TACC1: variants seen among roughly 807,000 people sequenced by gnomAD.
TACC1 encodes the protein transforming acidic coiled-coil containing protein 1, also known as transforming acidic coiled-coil-containing protein 1.
A neutral mutation model predicts 84.4 loss-of-function variants in TACC1; 48 were observed. That is an observed-to-expected ratio of 0.57 (90% CI 0.45 to 0.72). The LOEUF (loss-of-function observed/expected upper bound fraction) is 0.72. TACC1 is among the 30% of genes least tolerant of loss of function. The pLI, the probability that TACC1 is intolerant of heterozygous loss-of-function variation, is 0.00. For missense variants in TACC1, 920 were observed against 973.0 expected (o/e 0.95, Z 0.72); for synonymous variants, 372 against 376.3 (o/e 0.99, Z 0.13).
chr8:38,784,837 T>A (rs1051033708), upstream of TACC1, among the ~76,000 whole-genome samples: 1 of 152,200 alleles, frequency 6.6e-6, no homozygotes, highest in African/African-American at 2.4e-5. Flanking sequence ...TAAAGTCCCT[T>A]TAGAAGCTTG....
At chr8:38,756,549 G>C (rs1194428487) in intron 3 of TACC1, among the ~76,000 whole-genome samples, 1 of 152,078 alleles carries the variant, frequency 6.6e-6, no homozygotes, top group African/African-American at 2.4e-5. Flanking sequence ...ATAGGGATAG[G>C]TGTTTGTTTG....
intron 6 of TACC1, among the ~76,000 whole-genome samples, chr8:38,834,481 T>C (rs1391827194): frequency 6.6e-6 from 1 of 152,136 alleles, no homozygotes; most frequent in African/African-American, 2.4e-5. Flanking sequence ...CTGGGGGGCA[T>C]TTTAGAGGCT....
At chr8:38,793,189 T>A (rs1446647690) in intron 2 of TACC1, among the ~76,000 whole-genome samples, 1 of 152,212 alleles carries the variant, frequency 6.6e-6, no homozygotes, top group Non-Finnish European at 1.5e-5. Context: ...AAACTGTAGT[T>A]CTCTGGACTT....
rs374198876 is a variant in TACC1, at chr8:38,844,952, TC to T, written c.2228+1558del. 60 of 152,192 alleles carry T rather than the reference TC, an allele frequency of 3.9e-4. No individual in the cohort carries two copies. The East Asian group carries it at 9.5e-3, about 24-fold the overall frequency. 9.4% of individuals were successfully genotyped at this position (152,192 alleles called of 1,614,324 possible). ...TTTGTTGGTTTTTTTTGAGACAGAG[TC>T]TCACTCTGTCACCCATGCTGTAGTG... On this transcript the variant is annotated intron_variant, in intron 11 of 12. Coordinates refer to ENST00000317827, the MANE Select transcript of TACC1 (RefSeq NM_006283.3).
At chr8:38,734,412 T>G (rs1025258195) in intron 1 of TACC1, among the ~76,000 whole-genome samples, 3 of 152,124 alleles carry the variant, frequency 2.0e-5, no homozygotes, top group Non-Finnish European at 4.4e-5. Flanking sequence ...GGCAGGCTGG[T>G]CTTGAACTTC....
chr8:38,749,451 GA>G (rs556798416), intron 3 of TACC1, among the ~76,000 whole-genome samples: 117 of 152,070 alleles, frequency 7.7e-4, no homozygotes, highest in African/African-American at 2.7e-3. Context: ...GACATCTTAA[GA>G]AAAAAACTAC....
chr8:38,827,059 C>T, intron 4 of TACC1, 109 bp from the exon 5 acceptor site: 1 of 917,864 alleles, frequency 1.1e-6, no homozygotes, highest in Non-Finnish European at 1.7e-6. Context: ...TGGTTAACCT[C>T]TCACATATCT....
At chr8:38,748,840 G>T (rs1587205827) in intron 3 of TACC1, among the ~76,000 whole-genome samples, 2 of 151,816 alleles carry the variant, frequency 1.3e-5, no homozygotes, top group East Asian at 3.9e-4. Context: ...TACGAAGTGG[G>T]GAAAGTTCTT....
chr8:38,822,607 G>T (rs902536438), intron 3 of TACC1, among the ~76,000 whole-genome samples: 2 of 152,116 alleles, frequency 1.3e-5, no homozygotes, highest in African/African-American at 4.8e-5. Flanking sequence ...TTTTTAAGAA[G>T]TTTTGACTCT....
At chr8:38,827,023 T>C (rs962534600) in intron 4 of TACC1, 145 bp from the exon 5 acceptor site, 2 of 643,332 alleles carry the variant, frequency 3.1e-6, no homozygotes, top group Non-Finnish European at 5.3e-6. Flanking sequence ...GACTCCAACT[T>C]CCTCCTTGCT....
Position 38,843,545 on chromosome 8 carries a change from TTAAAAAG to T in TACC1, c.2228+157_2228+163del, listed in dbSNP as rs1831658622. 4 of 495,532 alleles carry T rather than the reference TTAAAAAG, an allele frequency of 8.1e-6. No homozygotes were observed. The East Asian group carries it at 1.4e-4, about 17-fold the overall frequency. The allele number at this position is 495,532 out of a possible 1,614,324, so 30.7% of individuals were successfully genotyped here. A position where few individuals can be genotyped will look rare whatever the true frequency, so the allele number is the denominator to read the frequency against. On this transcript the variant is annotated intron_variant, in intron 11 of 12. Transcript: ENST00000317827. Reference sequence around the variant, plus strand: ...AAACCCTTTTCCCATTGTTAAAACATTAAAAAGTAAAAAAAGGTATATCTGCTCCTGC... The same window carrying T: ...AAACCCTTTTCCCATTGTTAAAACATTAAAAAAAGGTATATCTGCTCCTGC...
At position 38,852,881 on chromosome 8, in the gene TACC1, A is replaced by T. The variant is rs1256634581; in HGVS notation, c.*4858A>T. The T allele has an allele frequency of 3.9e-5, 6 of 152,638 alleles. No individual in the cohort carries two copies. The highest frequency in any genetic ancestry group is 6.5e-5 in the Admixed American group (1 of 15,282). The allele number at this position is 152,638 out of a possible 1,614,324, so 9.5% of individuals were successfully genotyped here. A position where few individuals can be genotyped will look rare whatever the true frequency, so the allele number is the denominator to read the frequency against. ...CAGGATTGTGTTGTGTGGAATATTC[A>T]TCTACATAAATTTTATATGCACAGT... On this transcript the variant is annotated 3_prime_UTR_variant, in exon 13 of 13. Coordinates refer to ENST00000317827, the MANE Select transcript of TACC1 (RefSeq NM_006283.3).
rs761326763 is a variant in TACC1, at chr8:38,808,872, T to TGGTTTAA, written c.278-10648_278-10642dup. Among the ~76,000 whole-genome samples, 56 of 152,232 alleles carry TGGTTTAA rather than the reference T, an allele frequency of 3.7e-4. 1 individual carries two copies. Among genetic ancestry groups the TGGTTTAA allele is most frequent in the Admixed American group, 5.9e-4 (9 of 15,302 alleles). On this transcript the variant is annotated intron_variant, in intron 2 of 12. Coordinates refer to ENST00000317827, the MANE Select transcript of TACC1 (RefSeq NM_006283.3). ...TTTTTATTCTCAGGGCTCCCCAAACTGGTTTAAGTAAATGAGCATTCTTCT... is the reference window on the plus strand; with the variant it reads ...TTTTTATTCTCAGGGCTCCCCAAACTGGTTTAAGGTTTAAGTAAATGAGCATTCTTCT...
chr8:38,751,318 T>C lies in TACC1; in HGVS notation c.26+5825T>C, dbSNP rs866995328. Among the ~76,000 whole-genome samples, 16 of 152,368 alleles carry C rather than the reference T, an allele frequency of 1.1e-4. 1 individual carries two copies. The highest frequency in any genetic ancestry group is 6.8e-3 in the Middle Eastern group (2 of 294). On this transcript the variant is annotated intron_variant, in intron 3 of 14. Coordinates refer to the TACC1 transcript ENST00000518415. The stretch of plus-strand genomic sequence containing the variant: ...TCATCTTAAAATGGGATGTGCAGTG[T>C]AAGGATTAAGGCAGTAAAGTATAGA...
intron 5 of TACC1, among the ~76,000 whole-genome samples, chr8:38,830,427 A>G (rs1309376353): frequency 6.6e-6 from 1 of 152,204 alleles, no homozygotes; most frequent in Non-Finnish European, 1.5e-5. Flanking sequence ...GGCATGCGCC[A>G]CCACGCCCAG....
intron 3 of TACC1, among the ~76,000 whole-genome samples, chr8:38,757,003 C>G (rs1196034564): frequency 1.3e-5 from 2 of 152,208 alleles, no homozygotes; most frequent in Non-Finnish European, 2.9e-5. Context: ...CTAGCGCCCT[C>G]CACCTGCTGC....
intron 2 of TACC1, among the ~76,000 whole-genome samples, chr8:38,790,261 G>A (rs1209704052): frequency 6.6e-6 from 1 of 152,182 alleles, no homozygotes; most frequent in Non-Finnish European, 1.5e-5. Context: ...GACACCAGTC[G>A]TTGAAGTTAG....
At chr8:38,808,522 C>A (rs1297645501) in intron 2 of TACC1, among the ~76,000 whole-genome samples, 1 of 152,226 alleles carries the variant, frequency 6.6e-6, no homozygotes, top group East Asian at 1.9e-4. Context: ...AAGTGGTCCT[C>A]CCATCTCAGC....
chr8:38,809,679 A>C (rs1206977087), intron 2 of TACC1, among the ~76,000 whole-genome samples: 7 of 151,794 alleles, frequency 4.6e-5, no homozygotes, highest in Non-Finnish European at 1.5e-5. Flanking sequence ...ATTCTCATAG[A>C]CTCCTTTCTT....
Sources: gnomAD v4.1 joint callset for allele counts (sites outside exome capture counted in the v4.1 genomes callset) on GRCh38, gnomAD v4.1.1 for gene constraint, MANE v1.5 for transcripts, NCBI Gene and HGNC (gene_info 2026-07-23, HGNC 2026-07-21) for gene names.